Variants in PRKCQ observed in about 807,000 individuals in gnomAD.
PRKCQ encodes the protein protein kinase C theta, also known as protein kinase C theta type.
In PRKCQ, 41 loss-of-function variants were observed where a neutral mutation model predicts 91.2. That is an observed-to-expected ratio of 0.45 (90% CI 0.35 to 0.58). The LOEUF (loss-of-function observed/expected upper bound fraction) is 0.58, where lower values mean the gene tolerates loss of function less well. Among genes scored for constraint, PRKCQ ranks in the 20% least tolerant of loss-of-function variants. PRKCQ has a pLI of 0.00. For missense variants in PRKCQ, 673 were observed against 896.5 expected (o/e 0.75, Z 3.18); for synonymous variants, 307 against 316.9 (o/e 0.97, Z 0.33).
intron 1 of PRKCQ, among the ~76,000 whole-genome samples, chr10:6,561,446 CT>C (rs1840632718): frequency 6.9e-6 from 1 of 144,694 alleles, no homozygotes; most frequent in Non-Finnish European, 1.5e-5. Flanking sequence ...TCTTTTTGAA[CT>C]TTTTGGAATC....
At chr10:6,420,704 G>C in the PRKCQ span, among the ~76,000 whole-genome samples, 1 of 152,304 alleles carries the variant, frequency 6.6e-6, no homozygotes. Flanking sequence ...GAATTTTGAA[G>C]ACATCGTTCC....
At chr10:6,400,442 G>C in the PRKCQ span, among the ~76,000 whole-genome samples, 1 of 152,154 alleles carries the variant, frequency 6.6e-6, no homozygotes, top group Non-Finnish European at 1.5e-5. Flanking sequence ...TGTTATGCAG[G>C]TGAGATGACT....
Position 6,441,873 on chromosome 10 carries a change from C to A in PRKCQ, c.1836+20G>T. 1 of 1,584,280 alleles carries A rather than the reference C, an allele frequency of 6.3e-7. No individual in the cohort carries two copies. The highest frequency in any genetic ancestry group is 8.6e-7 in the Non-Finnish European group (1 of 1,158,958). ...ACCTAATGCTCGTCTTATGAAGACG[C>A]TCTTGGCTTCGCTTCTTACCTTCAC... is the stretch of plus-strand genomic sequence containing the variant. On this transcript the variant is annotated intron_variant, in intron 16 of 17. Transcript: ENST00000263125.
At chr10:6,432,717 C>T (rs1172381448) in intron 16 of PRKCQ, among the ~76,000 whole-genome samples, 1 of 152,110 alleles carries the variant, frequency 6.6e-6, no homozygotes. Context: ...ATCCTCGGGT[C>T]CTCGGCTGGC....
At chr10:6,404,956 A>T in the PRKCQ span, among the ~76,000 whole-genome samples, 111 of 139,550 alleles carry the variant, frequency 8.0e-4, no homozygotes, top group East Asian at 1.3e-3. Flanking sequence ...CCTTCCTTCT[A>T]TCCTTCCTTC....
chr10:6,518,806 A>G (rs1240843342), intron 1 of PRKCQ, among the ~76,000 whole-genome samples: 1 of 152,180 alleles, frequency 6.6e-6, no homozygotes, highest in Non-Finnish European at 1.5e-5. Context: ...CAACAGAGCA[A>G]GACTCTGTCT....
rs139479378 is a variant in PRKCQ at position 6,443,711 on chromosome 10, A to G, written c.1648-1630T>C. ...AAATGTGGTACCTCCACACAGAGGA[A>G]TATTATTCAGCCTTCAAGGTGAAGG... On this transcript the variant is annotated intron_variant, in intron 15 of 17. Coordinates refer to ENST00000263125, the MANE Select transcript of PRKCQ (RefSeq NM_006257.5). 3.3e-4 allele frequency among the ~76,000 whole-genome samples: 51 copies of G among 152,318 alleles called. No homozygotes were observed. The South Asian group carries it at 6.6e-3, about 20-fold the overall frequency.
intron 4 of PRKCQ, among the ~76,000 whole-genome samples, chr10:6,506,466 G>C (rs540431139): frequency 6.6e-6 from 1 of 151,850 alleles, no homozygotes. Context: ...TAAATCTTTC[G>C]CCTTTTACTA....
chr10:6,439,373 A>G (rs1446685301), intron 16 of PRKCQ, among the ~76,000 whole-genome samples: 1 of 152,250 alleles, frequency 6.6e-6, no homozygotes, highest in Non-Finnish European at 1.5e-5. Flanking sequence ...TCTGGTGGAC[A>G]GTGGGTAGGG....
At chr10:6,449,523 A>G (rs1326867675) in intron 15 of PRKCQ, among the ~76,000 whole-genome samples, 11 of 152,216 alleles carry the variant, frequency 7.2e-5, no homozygotes, top group Middle Eastern at 3.4e-3. Flanking sequence ...GATATTATCC[A>G]GGAGAACTTC....
intron 15 of PRKCQ, 91 bp downstream of exon 15, chr10:6,456,583 T>C (rs1689606328): frequency 6.6e-7 from 1 of 1,504,288 alleles, no homozygotes. Context: ...AATGAAGATA[T>C]TTAAAACCTT....
chr10:6,458,136 A>G (rs1328550503), intron 14 of PRKCQ, among the ~76,000 whole-genome samples: 2 of 152,174 alleles, frequency 1.3e-5, no homozygotes, highest in African/African-American at 4.8e-5. Context: ...AGGTCTCACT[A>G]TGTTGCCAAG....
intron 15 of PRKCQ, among the ~76,000 whole-genome samples, chr10:6,454,404 GA>G (rs974947630): frequency 6.6e-6 from 1 of 152,132 alleles, no homozygotes; most frequent in African/African-American, 2.4e-5. Flanking sequence ...GGCGGAGCTG[GA>G]TCAAGGGGAT....
chr10:6,551,137 G>A (rs572846590), intron 1 of PRKCQ, among the ~76,000 whole-genome samples: 1 of 152,030 alleles, frequency 6.6e-6, no homozygotes, highest in Admixed American at 6.6e-5. Context: ...ATTTTTTTCT[G>A]ATCTTCTCTC....
intron 2 of PRKCQ, among the ~76,000 whole-genome samples, chr10:6,512,378 A>G (rs1838523594): frequency 6.6e-6 from 1 of 152,268 alleles, no homozygotes; most frequent in Admixed American, 6.5e-5. Flanking sequence ...GCAGGTAGGC[A>G]GGAGCCCTGG....
the PRKCQ span, among the ~76,000 whole-genome samples, chr10:6,405,548 G>T: frequency 6.6e-6 from 1 of 152,182 alleles, no homozygotes; most frequent in Admixed American, 6.5e-5. Context: ...GAACTCCAGC[G>T]CCCCGCAAGT....
intron 16 of PRKCQ, among the ~76,000 whole-genome samples, chr10:6,435,473 G>A (rs1381079238): frequency 6.6e-6 from 1 of 152,200 alleles, no homozygotes; most frequent in Non-Finnish European, 1.5e-5. Flanking sequence ...CCAGTTTATG[G>A]GCAGCAGATT....
intron 1 of PRKCQ, among the ~76,000 whole-genome samples, chr10:6,536,714 G>C (rs1169871104): frequency 6.6e-6 from 1 of 152,146 alleles, no homozygotes; most frequent in African/African-American, 2.4e-5. Context: ...CAGCCCCACA[G>C]CTGATAGCAC....
intron 16 of PRKCQ, among the ~76,000 whole-genome samples, chr10:6,432,421 C>T (rs1208121117): frequency 6.7e-6 from 1 of 148,296 alleles, no homozygotes; most frequent in African/African-American, 2.6e-5. Context: ...TTTAAAGTTC[C>T]GGGTGAAATG....
Sources: allele counts gnomAD v4.1 joint callset (sites outside exome capture counted in the v4.1 genomes callset), GRCh38; gene constraint gnomAD v4.1.1; transcripts MANE v1.5; gene names NCBI Gene and HGNC (gene_info 2026-07-23, HGNC 2026-07-21).